The following KIF16B variants were observed in gnomAD, a reference collection of about 807,000 sequenced individuals.
KIF16B encodes kinesin family member 16B.
A neutral mutation model predicts 156.3 loss-of-function variants in KIF16B; 98 were observed. The observed-to-expected ratio is 0.63, with a 90% confidence interval of 0.53 to 0.74. The LOEUF is 0.74. KIF16B is among the 30% of genes least tolerant of loss of function. The pLI is 0.00. For missense variants in KIF16B, 1,421 were observed against 1,606.5 expected (o/e 0.88, Z 1.97); for synonymous variants, 564 against 583.7 (o/e 0.97, Z 0.49).
intron 12 of KIF16B, among the ~76,000 whole-genome samples, chr20:16,469,254 T>TAA (rs57114751): frequency 8.0e-4 from 53 of 66,070 alleles, no homozygotes; most frequent in African/African-American, 2.3e-3. Flanking sequence ...CCCTGTGTCT[T>TAA]AAAAAAAAAA....
chr20:16,559,241 A>C (rs1167569191), intron 1 of KIF16B, among the ~76,000 whole-genome samples: 1 of 152,114 alleles, frequency 6.6e-6, no homozygotes, highest in African/African-American at 2.4e-5. Flanking sequence ...TTGATAAGTG[A>C]AAGTAAACAA....
At position 16,438,607 on chromosome 20, in the gene KIF16B, C is replaced by T. The variant is rs73898749; in HGVS notation, c.1303-8625G>A. Reference sequence around the variant, plus strand: ...TCCACATAGGAAGAATCATGTCCATCTAACAAAGGAGAAACAGTCACCAAG... The same window carrying T: ...TCCACATAGGAAGAATCATGTCCATTTAACAAAGGAGAAACAGTCACCAAG... On this transcript the variant is annotated intron_variant, in intron 12 of 25. Transcript: ENST00000354981. 4.4e-3 allele frequency among the ~76,000 whole-genome samples: 671 copies of T among 152,244 alleles called. 3 individuals carry two copies. The highest frequency in any genetic ancestry group is 0.024 in the Middle Eastern group (7 of 294).
chr20:16,366,352 C>T (rs2064666288), intron 22 of KIF16B, among the ~76,000 whole-genome samples: 1 of 152,108 alleles, frequency 6.6e-6, no homozygotes, highest in African/African-American at 2.4e-5. Flanking sequence ...TTTGACAAGA[C>T]AGCAGAAAGA....
chr20:16,416,836 T>A (rs969606035), intron 15 of KIF16B, among the ~76,000 whole-genome samples: 2 of 151,606 alleles, frequency 1.3e-5, no homozygotes, highest in African/African-American at 4.9e-5. Context: ...CCCAGCTTGG[T>A]CTAGGAAGAA....
chr20:16,557,199 G>T (rs576013644), intron 1 of KIF16B, among the ~76,000 whole-genome samples: 6 of 150,370 alleles, frequency 4.0e-5, no homozygotes, highest in Non-Finnish European at 7.4e-5. Context: ...TATGTTTTTT[G>T]AGATGGAGTC....
Position 16,460,736 on chromosome 20 carries a change from A to AG in KIF16B, c.1303-30755dup, listed in dbSNP as rs2067324998. On this transcript the variant is annotated intron_variant, in intron 12 of 25. Coordinates refer to ENST00000354981, the MANE Select transcript of KIF16B (RefSeq NM_024704.5). Reference sequence around the variant, plus strand: ...GCACTGATAGGAAGCAACGAAAACCAGAAAAAAAAAGTATTATGTTTATTA... The same window carrying AG: ...GCACTGATAGGAAGCAACGAAAACCAGGAAAAAAAAAGTATTATGTTTATTA... 5.3e-5 allele frequency among the ~76,000 whole-genome samples: 8 copies of AG among 152,270 alleles called. No homozygotes were observed. In the South Asian group the frequency reaches 1.4e-3, roughly 28 times the overall value.
intron 17 of KIF16B, chr20:16,382,023 A>T (rs1196181152): frequency 9.7e-7 from 1 of 1,026,066 alleles, no homozygotes; most frequent in Admixed American, 3.2e-5. Flanking sequence ...GAGTTAAACA[A>T]GACTTCTAAA....
intron 23 of KIF16B, among the ~76,000 whole-genome samples, chr20:16,343,240 C>T (rs1568867405): frequency 6.6e-6 from 1 of 152,204 alleles, no homozygotes; most frequent in Non-Finnish European, 1.5e-5. Flanking sequence ...TAAACATGTC[C>T]TCAAGATGGA....
At chr20:16,341,830 A>C (rs2064144521) in intron 23 of KIF16B, among the ~76,000 whole-genome samples, 1 of 152,218 alleles carries the variant, frequency 6.6e-6, no homozygotes, top group South Asian at 2.1e-4. Context: ...CTTCAAAATC[A>C]GATGTCTCAC....
At chr20:16,427,306 T>A (rs1412899711) in intron 14 of KIF16B, 65 bp from the exon 15 acceptor site, 5 of 1,396,068 alleles carry the variant, frequency 3.6e-6, no homozygotes, top group Non-Finnish European at 4.9e-6. Context: ...TTCCCAGCTA[T>A]TTATCTATAA....
chr20:16,390,488 C>T (rs998901194), intron 17 of KIF16B, among the ~76,000 whole-genome samples: 1 of 152,044 alleles, frequency 6.6e-6, no homozygotes, highest in Non-Finnish European at 1.5e-5. Flanking sequence ...GTACACACCC[C>T]ACCTCCCCTG....
intron 12 of KIF16B, among the ~76,000 whole-genome samples, chr20:16,449,039 G>GTAA (rs1482467635): frequency 1.3e-5 from 2 of 152,136 alleles, no homozygotes; most frequent in Admixed American, 6.5e-5. Context: ...TAGAATGAAA[G>GTAA]TGTCAAGAAT....
At chr20:16,458,172 A>G (rs557512052) in intron 12 of KIF16B, among the ~76,000 whole-genome samples, 68 of 152,372 alleles carry the variant, frequency 4.5e-4, no homozygotes, top group African/African-American at 1.5e-3. Context: ...CTGAAGATGA[A>G]TATCAATGAA....
chr20:16,457,288 TCCACTGC>T (rs1288078626), intron 12 of KIF16B, among the ~76,000 whole-genome samples: 2 of 152,128 alleles, frequency 1.3e-5, no homozygotes, highest in Admixed American at 1.3e-4. Flanking sequence ...ATCTGTGTGG[TCCACTGC>T]CAAATGACAA....
At chr20:16,298,907 TAA>T (rs111405608) in intron 25 of KIF16B, among the ~76,000 whole-genome samples, 48 of 138,750 alleles carry the variant, frequency 3.5e-4, no homozygotes, top group Non-Finnish European at 3.6e-4. Flanking sequence ...TGGTGAGTAA[TAA>T]AAAAAAAAAA....
intron 17 of KIF16B, among the ~76,000 whole-genome samples, chr20:16,397,239 C>A (rs1391584268): frequency 6.6e-6 from 1 of 152,212 alleles, no homozygotes; most frequent in Non-Finnish European, 1.5e-5. Flanking sequence ...CTGGCAAAGA[C>A]CCTGGCTGGG....
chr20:16,555,095 A>G (rs2070800197), intron 1 of KIF16B, among the ~76,000 whole-genome samples: 1 of 152,226 alleles, frequency 6.6e-6, no homozygotes, highest in South Asian at 2.1e-4. Context: ...GCCACTGGCC[A>G]CAAAGGTTTC....
intron 8 of KIF16B, 46 bp from the exon 9 acceptor site, chr20:16,505,899 T>C: frequency 6.2e-7 from 1 of 1,604,552 alleles, no homozygotes; most frequent in Non-Finnish European, 8.5e-7. Context: ...ATTAGTAAAA[T>C]TTTTTTTCCT....
At chr20:16,537,446 T>A (rs973363290) in intron 1 of KIF16B, among the ~76,000 whole-genome samples, 2 of 152,150 alleles carry the variant, frequency 1.3e-5, no homozygotes, top group South Asian at 4.1e-4. Context: ...ACTCTGCCTG[T>A]CTGGGTTTAT....
Sources: gnomAD v4.1 joint callset for allele counts (sites outside exome capture counted in the v4.1 genomes callset) on GRCh38, gnomAD v4.1.1 for gene constraint, MANE v1.5 for transcripts, NCBI Gene and HGNC (gene_info 2026-07-23, HGNC 2026-07-21) for gene names.